The following RDH11 variants were observed in gnomAD, a reference collection of about 807,000 sequenced individuals.
RDH11 encodes the protein retinol dehydrogenase 11, also known as HCV core-binding protein HCBP12.
In RDH11, 19 loss-of-function variants were observed where a neutral mutation model predicts 33.4. The observed-to-expected ratio is 0.57, with a 90% CI of 0.40 to 0.83. The LOEUF (loss-of-function observed/expected upper bound fraction) is 0.83. Ranked by LOEUF, RDH11 falls within the 40% of genes least tolerant of loss-of-function variation. RDH11 has a pLI of 0.00. For missense variants in RDH11, 353 were observed against 389.0 expected (o/e 0.91, Z 0.78); for synonymous variants, 154 against 155.3 (o/e 0.99, Z 0.06).
chr14:67,691,865 C>G (rs1047040117), intron 3 of RDH11: 1 of 154,028 alleles, frequency 6.5e-6, no homozygotes, highest in African/African-American at 2.4e-5. Context: ...CACACACATA[C>G]AAAAATCAAA....
rs1477980820 is a variant in RDH11, at chr14:67,695,683, C to T, written c.21G>A (p.Pro7=). 5 of 1,614,192 alleles carry T rather than the reference C, an allele frequency of 3.1e-6. No homozygotes were observed. Among genetic ancestry groups the T allele is most frequent in the Non-Finnish European group, 4.2e-6 (5 of 1,180,030 alleles). MVELMF[P]LLLLLLPFLL... ...GGAAGGGCAGAAGGAGGAGCAACAG[C>T]GGGAACATGAGCTCAACCATCTCTG... Residue 7 remains proline (P), a synonymous_variant, in exon 1 of 7, where the codon CCG becomes CCA. Coordinates refer to ENST00000381346, the MANE Select transcript of RDH11 (RefSeq NM_016026.4).
chr14:67,679,230 C>T (rs2037582653), intron 6 of RDH11, among the ~76,000 whole-genome samples: 1 of 152,094 alleles, frequency 6.6e-6, no homozygotes, highest in Non-Finnish European at 1.5e-5. Context: ...GAGATAATGG[C>T]ATTAAACCAT....
chr14:67,695,732 G>A lies in RDH11; in HGVS notation c.-29C>T, dbSNP rs763849496. 3 of 1,609,682 alleles carry A rather than the reference G, an allele frequency of 1.9e-6. No individual in the cohort carries two copies. The highest frequency in any genetic ancestry group is 2.6e-6 in the Non-Finnish European group (3 of 1,176,424). On this transcript the variant is annotated 5_prime_UTR_variant, in exon 1 of 7. Coordinates refer to ENST00000381346, the MANE Select transcript of RDH11 (RefSeq NM_016026.4). ...TGCCGGCTGCAGCGGCACCAGAGCGGGATGCTCCAGCGTTGCTCGCCGACT... is the reference window on the plus strand; with the variant it reads ...TGCCGGCTGCAGCGGCACCAGAGCGAGATGCTCCAGCGTTGCTCGCCGACT...
At chr14:67,687,763 G>A (rs1185339942) in intron 5 of RDH11, among the ~76,000 whole-genome samples, 7 of 147,730 alleles carry the variant, frequency 4.7e-5, no homozygotes, top group African/African-American at 1.8e-4. Flanking sequence ...GAGCCACCAC[G>A]TCCGGCCCTT....
At position 67,677,423 on chromosome 14, in the gene RDH11, G is replaced by T. The variant is rs2037556275; in HGVS notation, c.*898C>A. 1 of 108,400 alleles carries T rather than the reference G, an allele frequency of 9.2e-6. No individual in the cohort carries two copies. Among genetic ancestry groups the T allele is most frequent in the Admixed American group, 1.4e-4 (1 of 6,930 alleles). 6.7% of individuals were successfully genotyped at this position (108,400 alleles called of 1,614,324 possible). A position where few individuals can be genotyped will look rare whatever the true frequency, so the allele number is the denominator to read the frequency against. On this transcript the variant is annotated 3_prime_UTR_variant, in exon 7 of 7. Transcript: ENST00000381346. ...ACTGGTTTTTGTTAAGACCTCATCA[G>T]TCCTGGGTGCTTGCCCTCAATTCCT... is the stretch of plus-strand genomic sequence containing the variant.
chr14:67,682,779 C>A (rs932282152), intron 6 of RDH11, among the ~76,000 whole-genome samples: 2 of 152,204 alleles, frequency 1.3e-5, no homozygotes, highest in African/African-American at 4.8e-5. Context: ...AAAATTTCTA[C>A]ACAAATGGTC....
Position 67,685,107 on chromosome 14 carries a change from G to C in RDH11, c.762C>G (p.Ser254=). 6.2e-7 allele frequency: 1 copy of C among 1,614,156 alleles called. No homozygotes were observed. The highest frequency in any genetic ancestry group is 8.5e-7 in the Non-Finnish European group (1 of 1,180,018). ...CCTGCTGAGGAGTCTTGATGAAAAA[G>C]GAGAAAAGCCACCACATCCATCTCA... ...SFMRWMWWLF[S]FFIKTPQQGA... The change falls in exon 6 of 7, where the codon TCC becomes TCG. Residue 254 remains serine, a synonymous_variant. Transcript: ENST00000381346.
chr14:67,685,605 G>A (rs946782679), intron 5 of RDH11, among the ~76,000 whole-genome samples: 6 of 151,520 alleles, frequency 4.0e-5, no homozygotes, highest in Admixed American at 6.6e-5. Flanking sequence ...TTACAGGCAT[G>A]AGCCACCACA....
chr14:67,687,917 G>A (rs1190673000), intron 5 of RDH11, among the ~76,000 whole-genome samples: 5 of 151,832 alleles, frequency 3.3e-5, no homozygotes, highest in East Asian at 1.9e-4. Context: ...GATTACAGGC[G>A]CCCGCCACCA....
chr14:67,679,887 T>C (rs1322941317), intron 6 of RDH11, among the ~76,000 whole-genome samples: 3 of 152,230 alleles, frequency 2.0e-5, no homozygotes, highest in African/African-American at 7.2e-5. Context: ...TTTAAAAGTA[T>C]ACTATTTCAA....
In RDH11 at chr14:67,693,067, G is replaced by A; in HGVS notation, c.75-15C>T. On this transcript the variant is annotated splice_polypyrimidine_tract_variant and intron_variant, in intron 1 of 6. Transcript: ENST00000381346. ...ACAGCATTTTCCTGCAGACAGAGAA[G>A]GAGAGCTCATCAATTCTTCATTCTA... 1 of 1,569,112 alleles carries A rather than the reference G, an allele frequency of 6.4e-7. No individual in the cohort carries two copies. Among genetic ancestry groups the A allele is most frequent in the East Asian group, 2.3e-5 (1 of 44,132 alleles).
chr14:67,692,909 G>A (rs3742881), intron 2 of RDH11, 25 bp downstream of exon 2: 194,996 of 1,412,778 alleles, frequency 0.14, 14,313 homozygotes, highest in East Asian at 0.2. Flanking sequence ...AGTAATAGGA[G>A]GGAATTGAAA....
In RDH11 at chr14:67,695,634, T is replaced by G. The variant is rs202194671; in HGVS notation, c.70A>C (p.Ile24Leu). 2.5e-6 allele frequency: 4 copies of G among 1,614,010 alleles called. No homozygotes were observed. In the East Asian group the frequency reaches 8.9e-5, roughly 36 times the overall value. Residue 24 changes from isoleucine to leucine, a missense_variant, in exon 1 of 7, where the codon ATC becomes CTC. Transcript: ENST00000381346. The stretch of plus-strand genomic sequence containing the variant: ...AGGCAATACATTTGCACAGACCTGA[T>G]TTGGGGCGCAGCCATATACAGAAGG... ...PFLLYMAAPQ[I>L]RKMLSSGVCT... is the part of the protein sequence containing the mutation.
chr14:67,688,273 C>A (rs536393860), intron 5 of RDH11, among the ~76,000 whole-genome samples: 1 of 152,080 alleles, frequency 6.6e-6, no homozygotes, highest in African/African-American at 2.4e-5. Flanking sequence ...AATTAAACAG[C>A]CACAACAAAA....
chr14:67,684,080 ACTCT>A (rs1217378737), intron 6 of RDH11, among the ~76,000 whole-genome samples: 3 of 151,484 alleles, frequency 2.0e-5, no homozygotes, highest in Non-Finnish European at 4.4e-5. Flanking sequence ...ACTTTCTGAA[ACTCT>A]CTCTCTCACT....
At position 67,677,363 on chromosome 14, in the gene RDH11, A is replaced by ATTTTTTTTTTTTTTTTTTT. The variant is rs71129846; in HGVS notation, c.*939_*957dup. On this transcript the variant is annotated 3_prime_UTR_variant, in exon 7 of 7. Coordinates refer to ENST00000381346, the MANE Select transcript of RDH11 (RefSeq NM_016026.4). ...TTTTTTTTGTTTGTTTGTTTTTAGGATTTTTTTTTTTTTTTTTTTTTTTTT... is the reference window on the plus strand; with the variant it reads ...TTTTTTTTGTTTGTTTGTTTTTAGGATTTTTTTTTTTTTTTTTTTTTTTTTTTTTTTTTTTTTTTTTTTT... 6.3e-5 allele frequency: 2 copies of ATTTTTTTTTTTTTTTTTTT among 31,978 alleles called. No homozygotes were observed. Among genetic ancestry groups the ATTTTTTTTTTTTTTTTTTT allele is most frequent in the Non-Finnish European group, 1.0e-4 (2 of 19,688 alleles). The allele number at this position is 31,978 out of a possible 1,614,324, so 2.0% of individuals were successfully genotyped here.
rs606231424 is a variant in RDH11 at position 67,692,465 on chromosome 14, G to A, written c.322C>T (p.Arg108Ter). The change falls in exon 3 of 7, where the codon CGA becomes TGA. Residue 108 changes from arginine to a stop codon, truncating the protein, a stop_gained. Coordinates refer to ENST00000381346, the MANE Select transcript of RDH11 (RefSeq NM_016026.4). LOFTEE classifies it high-confidence loss of function. ...GCTAAGAAGCCCTTAGCAAAAGCTC[G>A]AATAGACTTAGTATCAGACAGGTCC... is the stretch of plus-strand genomic sequence containing the variant. ...KLDLSDTKSIRAFAKGFLAEE... is the reference protein window; with the variant it reads ...KLDLSDTKSI 1.4e-5 allele frequency: 23 copies of A among 1,613,946 alleles called. No homozygotes were observed. Among genetic ancestry groups the A allele is most frequent in the African/African-American group, 5.3e-5 (4 of 74,896 alleles).
chr14:67,695,126 A>C (rs2037813531), intron 1 of RDH11, among the ~76,000 whole-genome samples: 1 of 152,140 alleles, frequency 6.6e-6, no homozygotes, highest in Non-Finnish European at 1.5e-5. Flanking sequence ...TTTCTCCTTT[A>C]CAACATCCGC....
chr14:67,681,092 C>G (rs1452248675), intron 6 of RDH11, among the ~76,000 whole-genome samples: 1 of 152,146 alleles, frequency 6.6e-6, no homozygotes, highest in Admixed American at 6.5e-5. Flanking sequence ...AAGGAGGTAA[C>G]TAAGGTTAAA....
Sources: gnomAD v4.1 joint callset for allele counts (sites outside exome capture counted in the v4.1 genomes callset) on GRCh38, gnomAD v4.1.1 for gene constraint, MANE v1.5 for transcripts, NCBI Gene and HGNC (gene_info 2026-07-23, HGNC 2026-07-21) for gene names.